The following ATP2B1 variants were observed in gnomAD, a reference collection of about 807,000 sequenced individuals.
The protein encoded by ATP2B1 is ATPase plasma membrane Ca2+ transporting 1, also known as plasma membrane calcium-transporting ATPase 1.
ATP2B1 carries 14 observed loss-of-function variants against 124.2 expected under a neutral mutation model. The observed-to-expected ratio is 0.11, with a 90% CI of 0.07 to 0.18. ATP2B1 has a LOEUF of 0.18. Ranked by LOEUF, ATP2B1 falls within the 10% of genes least tolerant of loss-of-function variation. ATP2B1 has a pLI of 1.00. For missense variants in ATP2B1, 763 were observed against 1,466.1 expected, an observed-to-expected ratio of 0.52 and a Z score of 7.83; for synonymous variants, 449 against 492.4, an observed-to-expected ratio of 0.91 and a Z score of 1.17.
At position 89,621,491 on chromosome 12, in the gene ATP2B1, T is replaced by C. The variant is rs1286310213; in HGVS notation, c.1587+58A>G. On this transcript the variant is annotated intron_variant, in intron 10 of 20. Coordinates refer to ENST00000428670, the MANE Select transcript of ATP2B1 (RefSeq NM_001366521.1). The stretch of plus-strand genomic sequence containing the variant: ...TAATGGTGGTCTGAAGACTTACATA[T>C]AGTCTGATCATTATAGATTTAAAAA... The C allele has an allele frequency of 1.4e-5, 19 of 1,326,294 alleles. No homozygotes were observed. In the Admixed American group the frequency reaches 4.3e-4, roughly 30 times the overall value. 82.2% of individuals were successfully genotyped at this position (1,326,294 alleles called of 1,614,324 possible).
chr12:89,629,306 C>T (rs1209274957), intron 6 of ATP2B1, among the ~76,000 whole-genome samples: 5 of 152,056 alleles, frequency 3.3e-5, no homozygotes, highest in Non-Finnish European at 7.4e-5. Flanking sequence ...GTTTACTTAT[C>T]AGTAAAAAAA....
intron 9 of ATP2B1, among the ~76,000 whole-genome samples, chr12:89,622,583 G>A (rs1475250698): frequency 6.6e-6 from 1 of 152,006 alleles, no homozygotes; most frequent in Non-Finnish European, 1.5e-5. Flanking sequence ...AGTGTTTTTT[G>A]TGATGACTAA....
intron 1 of ATP2B1, among the ~76,000 whole-genome samples, chr12:89,657,958 T>A (rs997867769): frequency 6.6e-6 from 1 of 152,162 alleles, no homozygotes; most frequent in Admixed American, 6.5e-5. Context: ...CAAATCCTTA[T>A]GCTTGTCTAA....
At chr12:89,701,825 G>A (rs1891887083) in intron 1 of ATP2B1, among the ~76,000 whole-genome samples, 1 of 152,142 alleles carries the variant, frequency 6.6e-6, no homozygotes, top group Non-Finnish European at 1.5e-5. Context: ...AGGACTTATA[G>A]GCATCAAGCA....
rs1874718124 is a variant in ATP2B1 at position 89,596,873 on chromosome 12, C to T, written c.3351+2244G>A. The stretch of plus-strand genomic sequence containing the variant: ...AGTTTATTACTCTTTCAGTACCAGA[C>T]TATTATCAATCCCTTAGTTTATTCC... On this transcript the variant is annotated intron_variant, in intron 20 of 20. Coordinates refer to ENST00000428670, the MANE Select transcript of ATP2B1 (RefSeq NM_001366521.1). 2.0e-5 allele frequency among the ~76,000 whole-genome samples: 3 copies of T among 152,104 alleles called. No individual in the cohort carries two copies. The South Asian group carries it at 6.2e-4, about 32-fold the overall frequency.
Position 89,634,767 on chromosome 12 carries a change from G to A in ATP2B1, c.787+11C>T. On this transcript the variant is annotated intron_variant, in intron 5 of 20. Transcript: ENST00000428670. ...GAGGAAAGTGTTCAAAGATATAAAT[G>A]AAATTTTTACCTGATAGAAGTAAGG... 6.4e-7 allele frequency: 1 copy of A among 1,573,196 alleles called. No individual in the cohort carries two copies. Among genetic ancestry groups the A allele is most frequent in the Non-Finnish European group, 8.6e-7 (1 of 1,163,360 alleles).
At chr12:89,708,155 G>A (rs943409225) in intron 1 of ATP2B1, among the ~76,000 whole-genome samples, 3 of 152,262 alleles carry the variant, frequency 2.0e-5, no homozygotes, top group African/African-American at 4.8e-5. Flanking sequence ...AGGATTAGAG[G>A]GGTGACCCTC....
At chr12:89,624,160 C>T (rs1880459158) in intron 9 of ATP2B1, 23 bp downstream of exon 9, 1 of 1,604,048 alleles carries the variant, frequency 6.2e-7, no homozygotes, top group African/African-American at 1.3e-5. Context: ...ATAACAACGT[C>T]TACTGAACTA....
At chr12:89,628,958 C>T (rs1476171970) in intron 6 of ATP2B1, among the ~76,000 whole-genome samples, 1 of 151,648 alleles carries the variant, frequency 6.6e-6, no homozygotes, top group African/African-American at 2.4e-5. Flanking sequence ...GGCTGGAGGC[C>T]CACAGAAGAA....
intron 1 of ATP2B1, among the ~76,000 whole-genome samples, chr12:89,659,104 C>CT (rs1322166746): frequency 6.6e-6 from 1 of 152,184 alleles, no homozygotes; most frequent in African/African-American, 2.4e-5. Flanking sequence ...ACATGACAAT[C>CT]AAGTTGAGAC....
At chr12:89,683,669 G>C (rs761738709) in intron 1 of ATP2B1, among the ~76,000 whole-genome samples, 1 of 152,090 alleles carries the variant, frequency 6.6e-6, no homozygotes, top group Non-Finnish European at 1.5e-5. Flanking sequence ...AAGTCACCCC[G>C]ATGTCCCCAA....
At chr12:89,592,746 T>C (rs10506975) in intron 20 of ATP2B1, among the ~76,000 whole-genome samples, 7,195 of 152,134 alleles carry the variant, frequency 0.047, 256 homozygotes, top group East Asian at 0.092. Context: ...TGTGGGAGAT[T>C]AAATTCGTTA....
At chr12:89,598,798 G>C (rs1366931870) in intron 20 of ATP2B1, 4 of 1,595,060 alleles carry the variant, frequency 2.5e-6, no homozygotes, top group Non-Finnish European at 3.4e-6. Flanking sequence ...GAGAGAACAA[G>C]AGAAAGGACC....
In ATP2B1 at chr12:89,590,955, C is replaced by A; in HGVS notation, c.*29G>T. 1 of 1,587,154 alleles carries A rather than the reference C, an allele frequency of 6.3e-7. No individual in the cohort carries two copies. Among genetic ancestry groups the A allele is most frequent in the South Asian group, 1.1e-5 (1 of 88,586 alleles). Reference sequence around the variant, plus strand: ...AGTTTCAATTTGTTTCTTTACAATGCAGCTAGTGTGTTAACATTCAGCTTA... The same window carrying A: ...AGTTTCAATTTGTTTCTTTACAATGAAGCTAGTGTGTTAACATTCAGCTTA... On this transcript the variant is annotated 3_prime_UTR_variant, in exon 21 of 21. Transcript: ENST00000428670.
intron 18 of ATP2B1, among the ~76,000 whole-genome samples, chr12:89,601,838 T>C (rs150988585): frequency 2.0e-5 from 3 of 151,800 alleles, no homozygotes; most frequent in African/African-American, 7.3e-5. Context: ...TCTCAAAATA[T>C]AGTACTCTTT....
chr12:89,643,628 C>T (rs953958685), intron 2 of ATP2B1, among the ~76,000 whole-genome samples: 1 of 152,144 alleles, frequency 6.6e-6, no homozygotes, highest in African/African-American at 2.4e-5. Context: ...GATGAACATC[C>T]ATTTTGCCAT....
At chr12:89,695,917 T>G (rs1289126964) in intron 1 of ATP2B1, among the ~76,000 whole-genome samples, 3 of 152,212 alleles carry the variant, frequency 2.0e-5, no homozygotes, top group Admixed American at 6.5e-5. Context: ...AGAAACAGTA[T>G]CTGTGATAAA....
rs554309411 is a variant in ATP2B1, at chr12:89,607,774, A to C, written c.2442+2163T>G. 2.6e-5 allele frequency among the ~76,000 whole-genome samples: 4 copies of C among 152,282 alleles called. No individual in the cohort carries two copies. In the East Asian group the frequency reaches 7.7e-4, roughly 29 times the overall value. On this transcript the variant is annotated intron_variant, in intron 15 of 20. Coordinates refer to ENST00000428670, the MANE Select transcript of ATP2B1 (RefSeq NM_001366521.1). ...AATTGTTACACTATATTATTTAGGG[A>C]ATCATGACAAGAAAAAGTCTGCACA... is the stretch of plus-strand genomic sequence containing the variant.
intron 2 of ATP2B1, among the ~76,000 whole-genome samples, chr12:89,646,902 C>T (rs1884527169): frequency 6.6e-6 from 1 of 151,826 alleles, no homozygotes; most frequent in Non-Finnish European, 1.5e-5. Context: ...GTGGAGAAGA[C>T]AACACTGATG....
Sources: gnomAD v4.1 joint callset for allele counts (sites outside exome capture counted in the v4.1 genomes callset) on GRCh38, gnomAD v4.1.1 for gene constraint, MANE v1.5 for transcripts, NCBI Gene and HGNC (gene_info 2026-07-23, HGNC 2026-07-21) for gene names.